TMC7: variants seen among roughly 807,000 people sequenced by gnomAD.
TMC7 encodes transmembrane channel-like protein 7.
TMC7 carries 54 observed loss-of-function variants against 82.9 expected under a neutral mutation model. The ratio of observed to expected loss-of-function variants is 0.65; its 90% CI spans 0.52 to 0.82. The LOEUF is 0.82. Among genes scored for constraint, TMC7 ranks in the 40% least tolerant of loss-of-function variants. The probability of loss-of-function intolerance (pLI) is 0.00; values close to 1 mark genes in which losing one functional copy is unlikely to be tolerated. For synonymous variants in TMC7, 350 were observed against 337.9 expected, an observed-to-expected ratio of 1.04 and a Z score of -0.39; for missense variants, 820 against 901.2, an observed-to-expected ratio of 0.91 and a Z score of 1.15.
In TMC7 at chr16:18,984,086, C is replaced by A. The variant is rs1035385974; in HGVS notation, c.23C>A (p.Ala8Glu). 1.3e-6 allele frequency: 2 copies of A among 1,500,084 alleles called. No individual in the cohort carries two copies. The highest frequency in any genetic ancestry group is 1.5e-5 in the African/African-American group (1 of 68,810). The allele number at this position is 1,500,084 out of a possible 1,614,324, so 92.9% of individuals were successfully genotyped here. Residue 8 changes from alanine to glutamate, a missense_variant, in exon 1 of 16, where the codon GCG (alanine) becomes GAG (glutamate). Physicochemically the swap from Ala to Glu is moderately radical, Grantham distance 107 (BLOSUM62 -1). Transcript: ENST00000304381. MSESSGS[A>E]LQPGRPSRQP... ...GCCATGAGCGAGTCCAGCGGCAGTGCGCTCCAGCCCGGCAGGCCCAGCCGG... is the reference window on the plus strand; with the variant it reads ...GCCATGAGCGAGTCCAGCGGCAGTGAGCTCCAGCCCGGCAGGCCCAGCCGG...
At position 19,061,767 on chromosome 16, in the gene TMC7, T is replaced by C. The variant is rs754976072; in HGVS notation, c.2107-11T>C. On this transcript the variant is annotated splice_polypyrimidine_tract_variant and intron_variant, in intron 15 of 15. Transcript: ENST00000304381. Reference sequence around the variant, plus strand: ...TATATTAAATGTACATGTGAACTTATTATTTTTTAGGAAAGTCGTGACAAG... The same window carrying C: ...TATATTAAATGTACATGTGAACTTACTATTTTTTAGGAAAGTCGTGACAAG... The C allele has an allele frequency of 3.2e-5, 51 of 1,611,520 alleles. No individual in the cohort carries two copies. Among genetic ancestry groups the C allele is most frequent in the Non-Finnish European group, 4.2e-5 (50 of 1,178,718 alleles).
At chr16:19,027,517 A>G (rs1960292993) in intron 5 of TMC7, among the ~76,000 whole-genome samples, 1 of 152,186 alleles carries the variant, frequency 6.6e-6, no homozygotes, top group Non-Finnish European at 1.5e-5. Flanking sequence ...TTTCTTAAAA[A>G]CAATTGAACC....
At position 19,063,778 on chromosome 16, in the gene TMC7, T is replaced by A. The variant is rs575830225; in HGVS notation, c.*1935T>A. ...AAATATGCTAATTAATATATTAATT[T>A]TAGTTAAATGCTGCTAATATGCATA... On this transcript the variant is annotated 3_prime_UTR_variant, in exon 16 of 16. Transcript: ENST00000304381. 2 of 152,232 alleles carry A rather than the reference T, an allele frequency of 1.3e-5. No individual in the cohort carries two copies. The highest frequency in any genetic ancestry group is 3.9e-4 in the East Asian group (2 of 5,188). The allele number at this position is 152,232 out of a possible 1,614,324, so 9.4% of individuals were successfully genotyped here.
chr16:19,045,538 C>T, intron 11 of TMC7, 100 bp downstream of exon 11: 2 of 825,844 alleles, frequency 2.4e-6, no homozygotes, highest in Non-Finnish European at 4.2e-6. Context: ...AGCTGCATTC[C>T]AGAAGCTGCT....
At chr16:19,026,906 C>A (rs183278116) in intron 5 of TMC7, among the ~76,000 whole-genome samples, 3 of 149,324 alleles carry the variant, frequency 2.0e-5, no homozygotes, top group African/African-American at 7.4e-5. Context: ...GGGTTACAGG[C>A]GCCCACCACC....
intron 12 of TMC7, chr16:19,049,625 C>T (rs2142296949): frequency 1.0e-6 from 1 of 985,332 alleles, no homozygotes; most frequent in Non-Finnish European, 1.2e-6. Flanking sequence ...ACTGATTAGC[C>T]CGTGGCTTCG....
intron 15 of TMC7, among the ~76,000 whole-genome samples, chr16:19,061,094 C>T (rs2142329696): frequency 6.6e-6 from 1 of 151,888 alleles, no homozygotes; most frequent in South Asian, 2.1e-4. Context: ...ACCTCCACCT[C>T]CTGGGTTCAA....
chr16:19,056,645 A>G lies in TMC7; in HGVS notation c.1975A>G (p.Ile659Val). 1 of 1,614,078 alleles carries G rather than the reference A, an allele frequency of 6.2e-7. No individual in the cohort carries two copies. The highest frequency in any genetic ancestry group is 8.5e-7 in the Non-Finnish European group (1 of 1,180,016). ...STFPSSLQSFIHGVTSEAFAV... is the reference protein window; with the variant it reads ...STFPSSLQSFVHGVTSEAFAV... ...CTTCCCCAGCTCGCTGCAGTCCTTC[A>G]TCCATGGTGTCACATCCGAAGCCTT... Residue 659 changes from isoleucine to valine, a missense_variant, in exon 14 of 16, where the codon ATC becomes GTC. Ile to Val is a conservative substitution (Grantham distance 29, BLOSUM62 3). Transcript: ENST00000304381.
intron 3 of TMC7, among the ~76,000 whole-genome samples, chr16:19,017,773 C>T (rs1959773318): frequency 6.6e-6 from 1 of 151,628 alleles, no homozygotes; most frequent in Admixed American, 6.6e-5. Context: ...GGGGTTCACG[C>T]CAGTCTCCTG....
At chr16:19,017,112 G>A (rs1432806584) in intron 3 of TMC7, among the ~76,000 whole-genome samples, 1 of 152,128 alleles carries the variant, frequency 6.6e-6, no homozygotes, top group Non-Finnish European at 1.5e-5. Context: ...TTGAACCTGG[G>A]AGGTGGACGT....
intron 5 of TMC7, 117 bp downstream of exon 5, chr16:19,023,312 A>G (rs1275013706): frequency 3.6e-6 from 2 of 550,310 alleles, no homozygotes; most frequent in Non-Finnish European, 6.4e-6. Context: ...TGGTTGACAC[A>G]TGTACCAGTA....
At chr16:19,051,570 C>A in intron 12 of TMC7, 116 bp from the exon 13 acceptor site, 1 of 1,213,636 alleles carries the variant, frequency 8.2e-7, no homozygotes, top group Non-Finnish European at 1.2e-6. Flanking sequence ...TGCTGGACTA[C>A]CCTCTGGAAA....
In TMC7 at chr16:18,984,074, C is replaced by G. The variant is rs781173030; in HGVS notation, c.11C>G (p.Ser4Cys). 2 of 1,498,922 alleles carry G rather than the reference C, an allele frequency of 1.3e-6. No individual in the cohort carries two copies. The highest frequency in any genetic ancestry group is 1.2e-5 in the South Asian group (1 of 80,120). The allele number at this position is 1,498,922 out of a possible 1,614,324, so 92.9% of individuals were successfully genotyped here. Residue 4 changes from serine to cysteine, a missense_variant, in exon 1 of 16, where the codon TCC (serine) becomes TGC (cysteine). Around this residue, in one of 2 missense-constraint regions of TMC7, gnomAD observed 650 missense variants for 669.9 expected, o/e 0.97. Transcript: ENST00000304381. MSE[S>C]SGSALQPGRP... ...GCGCGGGGCGCGGCCATGAGCGAGT[C>G]CAGCGGCAGTGCGCTCCAGCCCGGC...
chr16:18,995,179 G>A (rs1005436992), intron 1 of TMC7, among the ~76,000 whole-genome samples: 8 of 152,198 alleles, frequency 5.3e-5, no homozygotes, highest in Non-Finnish European at 7.3e-5. Flanking sequence ...TGGCACCAGA[G>A]TTGGGGAGTT....
intron 14 of TMC7, among the ~76,000 whole-genome samples, chr16:19,056,946 G>A (rs968795260): frequency 5.6e-5 from 8 of 142,568 alleles, no homozygotes; most frequent in African/African-American, 2.1e-4. Flanking sequence ...ACAGCACAGG[G>A]ACACCCCGAC....
intron 1 of TMC7, among the ~76,000 whole-genome samples, chr16:18,991,555 A>G (rs1459587980): frequency 2.0e-5 from 3 of 152,158 alleles, no homozygotes; most frequent in Non-Finnish European, 4.4e-5. Context: ...TTGCAAAGCC[A>G]GCAATTGTTT....
chr16:19,058,801 G>A (rs1313900457), intron 14 of TMC7, among the ~76,000 whole-genome samples: 1 of 152,080 alleles, frequency 6.6e-6, no homozygotes, highest in Non-Finnish European at 1.5e-5. Flanking sequence ...GAACTTCTGG[G>A]CTCAGATTCT....
rs921358185 is a variant in TMC7 at position 19,021,612 on chromosome 16, G to A, written c.461-17G>A. 22 of 1,613,754 alleles carry A rather than the reference G, an allele frequency of 1.4e-5. No individual in the cohort carries two copies. The highest frequency in any genetic ancestry group is 1.1e-4 in the East Asian group (5 of 44,876). ...TCAATATCCCTGGTCAGTGATGTCC[G>A]GGTTTGTTTTTTCCAGGGAAATTTG... On this transcript the variant is annotated splice_polypyrimidine_tract_variant and intron_variant, in intron 3 of 15. Coordinates refer to ENST00000304381, the MANE Select transcript of TMC7 (RefSeq NM_024847.4).
chr16:18,999,713 G>T (rs2039107521), intron 1 of TMC7, among the ~76,000 whole-genome samples: 1 of 152,194 alleles, frequency 6.6e-6, no homozygotes, highest in African/African-American at 2.4e-5. Context: ...TCTTGCAATT[G>T]ATTGACATGT....
Sources: gnomAD v4.1 joint callset for allele counts (sites outside exome capture counted in the v4.1 genomes callset) on GRCh38, gnomAD v4.1.1 for gene constraint, gnomAD v4.1.1 regional missense constraint, MANE v1.5 for transcripts, NCBI Gene and HGNC (gene_info 2026-07-23, HGNC 2026-07-21) for gene names.